LMNB2: variants seen among roughly 807,000 people sequenced by gnomAD.
LMNB2 encodes lamin B2.
A neutral mutation model predicts 69.3 loss-of-function variants in LMNB2; 17 were observed. The observed-to-expected ratio is 0.25, with a 90% CI of 0.17 to 0.37. The LOEUF is 0.37. LMNB2 is among the 10% of genes least tolerant of loss of function. LMNB2 has a pLI of 1.00. For synonymous variants in LMNB2, 397 were observed against 389.3 expected (o/e 1.02, Z -0.23); for missense variants, 789 against 883.6 (o/e 0.89, Z 1.36).
chr19:2,452,044 C>A (rs565441676), intron 1 of LMNB2, among the ~76,000 whole-genome samples: 7 of 152,252 alleles, frequency 4.6e-5, no homozygotes, highest in African/African-American at 1.7e-4. Flanking sequence ...GGCCACAGCG[C>A]GGCCTCCCTG....
rs1281468355 is a variant in LMNB2, at chr19:2,447,828, C to A, written c.265-3288G>T. On this transcript the variant is annotated intron_variant, in intron 1 of 11. Transcript: ENST00000325327. This position sits in a 1 kb window ranked among gnomAD's most constrained non-coding sequence, Gnocchi z 4.4. ...CGGGCCTCTTCTGAGGTGGGACCCT[C>A]AGCCTCAAACCAACGCATGCTGGGC... Among the ~76,000 whole-genome samples the A allele has an allele frequency of 6.6e-6, 1 of 152,204 alleles. No homozygotes were observed. The highest frequency in any genetic ancestry group is 1.5e-5 in the Non-Finnish European group (1 of 68,028).
intron 1 of LMNB2, among the ~76,000 whole-genome samples, chr19:2,445,850 CAG>C (rs1425730158): frequency 1.7e-4 from 17 of 97,616 alleles, no homozygotes; most frequent in African/African-American, 7.0e-4. Context: ...GATCTGTAGT[CAG>C]AGTCCCCAAC....
chr19:2,441,367 G>C (rs1041257918), intron 2 of LMNB2, among the ~76,000 whole-genome samples: 3 of 152,230 alleles, frequency 2.0e-5, no homozygotes, highest in Non-Finnish European at 2.9e-5. Context: ...AGGCGTGAAG[G>C]CCAGAGACTT....
At position 2,430,962 on chromosome 19, in the gene LMNB2, G is replaced by C. The variant is rs375785424; in HGVS notation, c.1822-10C>G. The C allele has an allele frequency of 2.6e-5, 42 of 1,606,306 alleles. No homozygotes were observed. Among genetic ancestry groups the C allele is most frequent in the Non-Finnish European group, 3.3e-5 (39 of 1,173,668 alleles). ...TGGTCCTCGGGTCCCCCTGCAGGAA[G>C]GAAGGAAGGAAGGTCGGCCATGATC... On this transcript the variant is annotated splice_polypyrimidine_tract_variant and intron_variant, in intron 11 of 11. Transcript: ENST00000325327.
At chr19:2,434,130 G>T in intron 7 of LMNB2, 25 bp from the exon 8 acceptor site, 2 of 1,569,962 alleles carry the variant, frequency 1.3e-6, no homozygotes, top group Non-Finnish European at 1.7e-6. Flanking sequence ...AGGAAGGTGG[G>T]ACTGGTAGTG....
At chr19:2,448,178 T>C (rs937842281) in intron 1 of LMNB2, among the ~76,000 whole-genome samples, 40 of 152,010 alleles carry the variant, frequency 2.6e-4, no homozygotes, top group Admixed American at 2.2e-3. Flanking sequence ...AACAGACTTC[T>C]AGAAAAACCC....
chr19:2,430,597 G>C lies in LMNB2; in HGVS notation c.*314C>G. ...CGTCTCCTGTCCCCTCGCTAGCCTC[G>C]CCGGCCCTCCTCCCTCCAAGCCCAA... On this transcript the variant is annotated 3_prime_UTR_variant, in exon 12 of 12. Transcript: ENST00000325327. 4.3e-6 allele frequency: 2 copies of C among 460,944 alleles called. No homozygotes were observed. The highest frequency in any genetic ancestry group is 6.8e-5 in the Admixed American group (2 of 29,628). The allele number at this position is 460,944 out of a possible 1,614,324, so 28.6% of individuals were successfully genotyped here.
Position 2,443,130 on chromosome 19 carries a change from G to A in LMNB2, c.401+1274C>T, listed in dbSNP as rs1263227703. ...AGGTCCCGGGGTGCACCTGTGCTGT[G>A]TGGGATGTGCTGAGAGTGGGCAGCC... On this transcript the variant is annotated intron_variant, in intron 2 of 11. Coordinates refer to ENST00000325327, the MANE Select transcript of LMNB2 (RefSeq NM_032737.4). This position sits in a 1 kb window ranked among gnomAD's most constrained non-coding sequence, Gnocchi z 6.2. Among the ~76,000 whole-genome samples, 1 of 152,248 alleles carries A rather than the reference G, an allele frequency of 6.6e-6. No homozygotes were observed. Among genetic ancestry groups the A allele is most frequent in the Non-Finnish European group, 1.5e-5 (1 of 68,040 alleles).
intron 2 of LMNB2, among the ~76,000 whole-genome samples, chr19:2,442,968 T>C (rs1002227957): frequency 1.3e-5 from 2 of 152,202 alleles, no homozygotes; most frequent in African/African-American, 2.4e-5. Flanking sequence ...CTGCACGGTG[T>C]AGTTCTGACA....
At chr19:2,431,100 C>T in intron 11 of LMNB2, 148 bp from the exon 12 acceptor site, 1 of 701,788 alleles carries the variant, frequency 1.4e-6, no homozygotes, top group Non-Finnish European at 2.6e-6. Context: ...ACTTCCATGT[C>T]CCCATGAGCC....
In LMNB2 at chr19:2,446,761, A is replaced by G. The variant is rs1472988093; in HGVS notation, c.265-2221T>C. 3.3e-5 allele frequency among the ~76,000 whole-genome samples: 5 copies of G among 152,170 alleles called. 1 individual carries two copies. The highest frequency in any genetic ancestry group is 1.3e-4 in the Admixed American group (2 of 15,266). On this transcript the variant is annotated intron_variant, in intron 1 of 11. Transcript: ENST00000325327. ...AAAACAGTCCAGGGGCTCCCCCAAG[A>G]GTCACAGAGCCACCCTGTGACCCGG...
intron 1 of LMNB2, among the ~76,000 whole-genome samples, chr19:2,448,309 G>A (rs1336303021): frequency 5.3e-5 from 8 of 152,180 alleles, no homozygotes; most frequent in Non-Finnish European, 1.0e-4. Context: ...AGGGGCTGAC[G>A]GGACACCCTC....
chr19:2,450,799 T>C (rs1972013326), intron 1 of LMNB2, among the ~76,000 whole-genome samples: 1 of 151,556 alleles, frequency 6.6e-6, no homozygotes, highest in East Asian at 2.0e-4. Flanking sequence ...GCCCAGCTAA[T>C]TTTTGTATTT....
At chr19:2,441,205 C>A (rs140540654) in intron 2 of LMNB2, among the ~76,000 whole-genome samples, 4 of 152,350 alleles carry the variant, frequency 2.6e-5, no homozygotes, top group Admixed American at 2.0e-4. Flanking sequence ...AGGCCACCTG[C>A]CAGGTAAAAG....
chr19:2,449,070 T>A (rs1971990468), intron 1 of LMNB2, among the ~76,000 whole-genome samples: 1 of 151,418 alleles, frequency 6.6e-6, no homozygotes, highest in African/African-American at 2.4e-5. Flanking sequence ...AGTTTCTAAC[T>A]TTTTTTTTAA....
chr19:2,446,967 C>T (rs191335314), intron 1 of LMNB2, among the ~76,000 whole-genome samples: 186 of 152,036 alleles, frequency 1.2e-3, no homozygotes, highest in Non-Finnish European at 2.3e-3. Context: ...AGTGAAACCC[C>T]GTCTCTACTA....
In LMNB2 at chr19:2,453,752, C is replaced by T. The variant is rs549390208; in HGVS notation, c.264+2918G>A. Among the ~76,000 whole-genome samples the T allele has an allele frequency of 3.3e-5, 5 of 152,094 alleles. No homozygotes were observed. The highest frequency in any genetic ancestry group is 5.9e-5 in the Non-Finnish European group (4 of 68,000). Reference sequence around the variant, plus strand: ...AGGGCACAGGGCCGGTCCAATGGGGCGTCCAGTGGGGCTGGGGCTGGTACC... The same window carrying T: ...AGGGCACAGGGCCGGTCCAATGGGGTGTCCAGTGGGGCTGGGGCTGGTACC... On this transcript the variant is annotated intron_variant, in intron 1 of 11. Coordinates refer to ENST00000325327, the MANE Select transcript of LMNB2 (RefSeq NM_032737.4). This position sits in a 1 kb window ranked among gnomAD's most constrained non-coding sequence, Gnocchi z 4.4.
intron 9 of LMNB2, 42 bp downstream of exon 9, chr19:2,432,374 C>A (rs1297747147): frequency 6.9e-7 from 1 of 1,454,314 alleles, no homozygotes; most frequent in East Asian, 2.3e-5. Context: ...CCACCTCACA[C>A]CCCATCCGTG....
Position 2,430,048 on chromosome 19 carries a change from C to T in LMNB2, c.*863G>A, listed in dbSNP as rs905563502. ...GGGAGGGGCTCCACAGCGCTCTCCT[C>T]CAGAGGGTCAACATGGTGGCGTTCC... On this transcript the variant is annotated 3_prime_UTR_variant, in exon 12 of 12. Coordinates refer to ENST00000325327, the MANE Select transcript of LMNB2 (RefSeq NM_032737.4). 6.5e-6 allele frequency: 1 copy of T among 152,996 alleles called. No homozygotes were observed. The highest frequency in any genetic ancestry group is 1.5e-5 in the Non-Finnish European group (1 of 68,694). The allele number at this position is 152,996 out of a possible 1,614,324, so 9.5% of individuals were successfully genotyped here.
Sources: allele counts gnomAD v4.1 joint callset (sites outside exome capture counted in the v4.1 genomes callset), GRCh38; gene constraint gnomAD v4.1.1; non-coding constraint Gnocchi (gnomAD v3.1); transcripts MANE v1.5; gene names NCBI Gene and HGNC (gene_info 2026-07-23, HGNC 2026-07-21).